THEMIS: variants seen among roughly 807,000 people sequenced by gnomAD.
THEMIS encodes protein THEMIS.
Under a neutral mutation model 52.6 loss-of-function variants are expected in THEMIS, and 37 were observed. The observed-to-expected ratio is 0.70, with a 90% CI of 0.54 to 0.93. The LOEUF (loss-of-function observed/expected upper bound fraction) is 0.93. THEMIS is among the 40% of genes least tolerant of loss of function. The pLI is 0.00. For missense variants in THEMIS, 808 were observed against 763.1 expected (o/e 1.06, Z -0.69); for synonymous variants, 292 against 272.7 (o/e 1.07, Z -0.70).
chr6:127,723,944 C>G (rs571818138), intron 4 of THEMIS, among the ~76,000 whole-genome samples: 77 of 152,122 alleles, frequency 5.1e-4, no homozygotes, highest in African/African-American at 1.8e-3. Context: ...GTCTTGAGCT[C>G]TCATCTCAGG....
chr6:127,829,879 T>G lies in THEMIS; in HGVS notation c.306A>C (p.Thr102=). ...KTPYLTMEEI[T]RTIHIGPSRL... ...TACTTGGTCCAATATGAATGGTCCT[T>G]GTGATTTCTTCCATAGTAAGGTATG... The change falls in exon 3 of 6, where the codon ACA becomes ACC. Residue 102 remains threonine (T), a synonymous_variant. Coordinates refer to ENST00000368248, the MANE Select transcript of THEMIS (RefSeq NM_001010923.3). The G allele has an allele frequency of 1.2e-6, 2 of 1,614,020 alleles. No individual in the cohort carries two copies. The highest frequency in any genetic ancestry group is 1.7e-6 in the Non-Finnish European group (2 of 1,179,968).
At chr6:127,831,501 T>C (rs954594786) in intron 2 of THEMIS, among the ~76,000 whole-genome samples, 5 of 152,216 alleles carry the variant, frequency 3.3e-5, no homozygotes, top group Admixed American at 6.5e-5. Context: ...AAAAGTCATT[T>C]ATTATTTTGT....
intron 4 of THEMIS, among the ~76,000 whole-genome samples, chr6:127,802,697 T>C (rs180808698): frequency 6.6e-6 from 1 of 152,318 alleles, no homozygotes; most frequent in Non-Finnish European, 1.5e-5. Context: ...TTGAGCCAGT[T>C]TACAGACCCA....
intron 5 of THEMIS, among the ~76,000 whole-genome samples, chr6:127,714,004 T>C (rs547332823): frequency 1.3e-5 from 2 of 151,926 alleles, no homozygotes; most frequent in African/African-American, 4.8e-5. Flanking sequence ...AGCTTAGACT[T>C]GGTTGGTAGC....
At chr6:127,819,166 A>G (rs918703651) in intron 3 of THEMIS, among the ~76,000 whole-genome samples, 1 of 150,452 alleles carries the variant, frequency 6.6e-6, no homozygotes, top group African/African-American at 2.4e-5. Context: ...AATTAAAAAC[A>G]CAGAAACAGA....
intron 4 of THEMIS, among the ~76,000 whole-genome samples, chr6:127,742,325 A>AAC (rs1554217920): frequency 7.4e-5 from 11 of 148,650 alleles, no homozygotes; most frequent in Non-Finnish European, 5.9e-5. Flanking sequence ...AAAAAAAAAA[A>AAC]AAACAAACAA....
At chr6:127,697,618 C>G in the THEMIS span, among the ~76,000 whole-genome samples, 3 of 152,120 alleles carry the variant, frequency 2.0e-5, no homozygotes, top group Non-Finnish European at 4.4e-5. Context: ...ATTCAAGAAC[C>G]CCTTGGTCCC....
intron 4 of THEMIS, among the ~76,000 whole-genome samples, chr6:127,740,167 T>C (rs1242996305): frequency 5.9e-5 from 9 of 152,200 alleles, no homozygotes; most frequent in Admixed American, 3.9e-4. Context: ...AGGAACCTAA[T>C]TGATTTTTTT....
At chr6:127,730,321 A>T (rs9491855) in intron 4 of THEMIS, among the ~76,000 whole-genome samples, 4 of 61,594 alleles carry the variant, frequency 6.5e-5, no homozygotes, top group African/African-American at 1.9e-4. Context: ...GAAAAGAGAA[A>T]AAAAGAAAAG....
chr6:127,782,001 G>A (rs575882650), intron 4 of THEMIS, among the ~76,000 whole-genome samples: 2 of 152,266 alleles, frequency 1.3e-5, no homozygotes, highest in African/African-American at 4.8e-5. Context: ...CCAAAGAGAA[G>A]CAATCTATAG....
intron 4 of THEMIS, among the ~76,000 whole-genome samples, chr6:127,769,352 G>GTTTTTTTTTTTTTTTTTTT (rs200806423): frequency 2.9e-5 from 4 of 139,986 alleles, no homozygotes; most frequent in Non-Finnish European, 4.7e-5. Flanking sequence ...GTTTTTTTTT[G>GTTTTTTTTTTTTTTTTTTT]TTTTTTTTTT....
At chr6:127,889,720 T>C (rs557529548) in intron 1 of THEMIS, among the ~76,000 whole-genome samples, 24 of 152,238 alleles carry the variant, frequency 1.6e-4, no homozygotes, top group African/African-American at 5.8e-4. Flanking sequence ...ATATGACATG[T>C]ATGGTAAGTC....
intron 1 of THEMIS, among the ~76,000 whole-genome samples, chr6:127,881,036 T>C (rs574537302): frequency 2.0e-5 from 3 of 152,220 alleles, no homozygotes; most frequent in African/African-American, 7.2e-5. Flanking sequence ...ATTCAAGAAC[T>C]TGACTATTGC....
chr6:127,744,933 A>G (rs1337219788), intron 4 of THEMIS, among the ~76,000 whole-genome samples: 11 of 151,964 alleles, frequency 7.2e-5, no homozygotes, highest in Admixed American at 5.9e-4. Flanking sequence ...ATATAATTGT[A>G]ATATCAAGGG....
chr6:127,702,181 G>A, the THEMIS span, among the ~76,000 whole-genome samples: 3 of 152,088 alleles, frequency 2.0e-5, no homozygotes, highest in East Asian at 5.8e-4. Flanking sequence ...AGTTCTCACT[G>A]GAGAGCTTTT....
chr6:127,869,461 G>T (rs375623511), intron 1 of THEMIS, among the ~76,000 whole-genome samples: 1 of 152,142 alleles, frequency 6.6e-6, no homozygotes, highest in East Asian at 1.9e-4. Context: ...ACTACATATT[G>T]TGGGACCAGG....
rs372270689 is a variant in THEMIS at position 127,895,861 on chromosome 6, C to T, written c.91+4981G>A. ...ACAAAAGACTCCAACCAAGAAGTTCCGTAAGTTCAACTAACTTGATAATAA... is the reference window on the plus strand; with the variant it reads ...ACAAAAGACTCCAACCAAGAAGTTCTGTAAGTTCAACTAACTTGATAATAA... On this transcript the variant is annotated intron_variant, in intron 1 of 5. Coordinates refer to ENST00000368248, the MANE Select transcript of THEMIS (RefSeq NM_001010923.3). Among the ~76,000 whole-genome samples, 12 of 151,048 alleles carry T rather than the reference C, an allele frequency of 7.9e-5. No individual in the cohort carries two copies. The East Asian group carries it at 1.7e-3, about 22-fold the overall frequency.
intron 4 of THEMIS, among the ~76,000 whole-genome samples, chr6:127,735,233 T>C (rs899997127): frequency 6.6e-6 from 1 of 151,902 alleles, no homozygotes; most frequent in Non-Finnish European, 1.5e-5. Flanking sequence ...AGCAAATGAA[T>C]GCGGGGCGTC....
intron 1 of THEMIS, among the ~76,000 whole-genome samples, chr6:127,891,492 C>T (rs575876427): frequency 6.2e-5 from 9 of 144,294 alleles, no homozygotes; most frequent in East Asian, 2.0e-4. Flanking sequence ...GCTGAGATTG[C>T]GCCACTACAT....
Sources: gnomAD v4.1 joint callset for allele counts (sites outside exome capture counted in the v4.1 genomes callset) on GRCh38, gnomAD v4.1.1 for gene constraint, MANE v1.5 for transcripts, NCBI Gene and HGNC (gene_info 2026-07-23, HGNC 2026-07-21) for gene names.